The following TET1 variants were observed in gnomAD, a reference collection of about 807,000 sequenced individuals.
The protein encoded by TET1 is tet methylcytosine dioxygenase 1.
Under a neutral mutation model 148.7 loss-of-function variants are expected in TET1, and 13 were observed. That is an observed-to-expected ratio of 0.09 (90% CI 0.06 to 0.14). The LOEUF (loss-of-function observed/expected upper bound fraction) is 0.14. TET1 is among the 10% of genes least tolerant of loss of function. The pLI is 1.00. For synonymous variants in TET1, 907 were observed against 937.2 expected (o/e 0.97, Z 0.59); for missense variants, 2,182 against 2,553.8 (o/e 0.85, Z 3.14).
intron 2 of TET1, among the ~76,000 whole-genome samples, chr10:68,595,935 T>TAC (rs1334057303): frequency 0.028 from 737 of 26,616 alleles, 38 homozygotes; most frequent in African/African-American, 0.066. Flanking sequence ...TATATATATA[T>TAC]ATATATATAT....
chr10:68,622,761 T>C (rs1399718311), intron 3 of TET1, among the ~76,000 whole-genome samples: 1 of 151,538 alleles, frequency 6.6e-6, no homozygotes, highest in Non-Finnish European at 1.5e-5. Context: ...AAAATTTTTG[T>C]AGAGACAGTG....
chr10:68,572,375 G>C lies in TET1; in HGVS notation c.37G>C (p.Val13Leu), dbSNP rs745543859. The change falls in exon 2 of 12, where the codon GTC (valine) becomes CTC (leucine). Residue 13 changes from valine to leucine, a missense_variant. Physicochemically the swap from Val to Leu is conservative, Grantham distance 32. Around this residue, in one of 11 missense-constraint regions of TET1, gnomAD observed 665 missense variants for 672.4 expected, o/e 0.99. Coordinates refer to ENST00000373644, the MANE Select transcript of TET1 (RefSeq NM_030625.3). ...CCGCCATGCAAGGCCTTCCAGATTA[G>C]TCAGGAAGGAAGATGTAAACAAAAA... ...RSRHARPSRL[V>L]RKEDVNKKKK... 1 of 1,608,738 alleles carries C rather than the reference G, an allele frequency of 6.2e-7. No homozygotes were observed. The highest frequency in any genetic ancestry group is 1.1e-5 in the South Asian group (1 of 89,818).
chr10:68,644,255 ATAGTAG>A (rs1366282163), intron 3 of TET1, among the ~76,000 whole-genome samples: 1 of 152,088 alleles, frequency 6.6e-6, no homozygotes, highest in Non-Finnish European at 1.5e-5. Context: ...AGGCTGGAGT[ATAGTAG>A]CACAGTCCTG....
At chr10:68,574,738 G>A (rs1268991100) in intron 2 of TET1, among the ~76,000 whole-genome samples, 2 of 152,108 alleles carry the variant, frequency 1.3e-5, no homozygotes, top group Non-Finnish European at 2.9e-5. Flanking sequence ...TTGAAACTTT[G>A]TTTTGGAGAC....
At chr10:68,661,046 T>C (rs1469037168) in intron 6 of TET1, among the ~76,000 whole-genome samples, 3 of 151,780 alleles carry the variant, frequency 2.0e-5, no homozygotes, top group African/African-American at 7.3e-5. Flanking sequence ...TTTGTTTTTT[T>C]TGAGACAGAG....
At chr10:68,569,098 C>A (rs1373644159) in intron 1 of TET1, among the ~76,000 whole-genome samples, 1 of 150,780 alleles carries the variant, frequency 6.6e-6, no homozygotes, top group Non-Finnish European at 1.5e-5. Context: ...ATGTGAAAAG[C>A]TCAAAATCTG....
Position 68,574,240 on chromosome 10 carries a change from T to C in TET1, c.1902T>C (p.Val634=). The part of the protein sequence containing the change: ...CEELKKKPSV[V]VPLEVIKENK... ...AGCTGAAAAAGAAACCATCTGTTGT[T>C]GTGCCTCTGGAGGTAAGCAAACAGT... is the stretch of plus-strand genomic sequence containing the variant. Residue 634 remains valine (V), a synonymous_variant, in exon 2 of 12, where the codon GTT becomes GTC. Transcript: ENST00000373644. 6.2e-7 allele frequency: 1 copy of C among 1,611,790 alleles called. No homozygotes were observed. The highest frequency in any genetic ancestry group is 8.5e-7 in the Non-Finnish European group (1 of 1,179,606).
chr10:68,598,734 C>T (rs867787569), intron 2 of TET1, among the ~76,000 whole-genome samples: 16 of 142,114 alleles, frequency 1.1e-4, no homozygotes, highest in Middle Eastern at 4.2e-3. Context: ...GAGTCTGGCT[C>T]AGCCATCTAG....
At chr10:68,599,396 T>C (rs1289602060) in intron 2 of TET1, among the ~76,000 whole-genome samples, 1 of 152,248 alleles carries the variant, frequency 6.6e-6, no homozygotes, top group Non-Finnish European at 1.5e-5. Context: ...ATTTTGGCAG[T>C]GACCTTGAGA....
intron 4 of TET1, among the ~76,000 whole-genome samples, chr10:68,651,027 T>C (rs1003482657): frequency 2.6e-5 from 4 of 152,218 alleles, no homozygotes; most frequent in Non-Finnish European, 4.4e-5. Flanking sequence ...TATTATTGTT[T>C]CAATAGATTT....
rs2054838737 is a variant in TET1, at chr10:68,645,990, A to G, written c.3261A>G (p.Ile1087Met). 6.2e-7 allele frequency: 1 copy of G among 1,613,894 alleles called. No homozygotes were observed. ...VATQLTQLAS[I>M]IKINYIKPED... ...CACAGTTGACACAACTTGCTTCGAT[A>G]ATTAAGATCAATTATATAAAACCAG... is the stretch of plus-strand genomic sequence containing the variant. Residue 1087 changes from isoleucine (I) to methionine (M), a missense_variant, in exon 4 of 12, where the codon ATA becomes ATG. Ile to Met is a conservative substitution (Grantham distance 10). Coordinates refer to ENST00000373644, the MANE Select transcript of TET1 (RefSeq NM_030625.3).
intron 10 of TET1, among the ~76,000 whole-genome samples, chr10:68,684,820 C>T (rs980208569): frequency 1.3e-5 from 2 of 152,072 alleles, no homozygotes; most frequent in Non-Finnish European, 2.9e-5. Flanking sequence ...TAATTATGCT[C>T]CTCATGTCAA....
intron 9 of TET1, 107 bp from the exon 10 acceptor site, chr10:68,682,727 CAA>C (rs1352154938): frequency 1.6e-6 from 2 of 1,271,310 alleles, no homozygotes; most frequent in African/African-American, 3.0e-5. Context: ...TCAGAAATTA[CAA>C]AGTGTAATTA....
intron 4 of TET1, among the ~76,000 whole-genome samples, chr10:68,650,501 C>T (rs1327691407): frequency 6.6e-6 from 1 of 151,848 alleles, no homozygotes; most frequent in Non-Finnish European, 1.5e-5. Flanking sequence ...CATGGTGGTG[C>T]ATGCCTGTAA....
intron 3 of TET1, among the ~76,000 whole-genome samples, chr10:68,641,369 C>T (rs1264937418): frequency 6.6e-6 from 1 of 151,796 alleles, no homozygotes; most frequent in Non-Finnish European, 1.5e-5. Context: ...GTGATTCCAC[C>T]ACTGATCAGT....
intron 2 of TET1, among the ~76,000 whole-genome samples, chr10:68,581,282 T>C (rs2053794274): frequency 6.6e-6 from 1 of 152,228 alleles, no homozygotes; most frequent in African/African-American, 2.4e-5. Flanking sequence ...GAATTACAGA[T>C]AATTAAAACT....
Position 68,692,467 on chromosome 10 carries a change from A to T in TET1, c.*653A>T, listed in dbSNP as rs947834246. ...CTATTTTTAAAAGTAACTTGAAATA[A>T]TATAGTATAAGAATCCTATTGTCTA... On this transcript the variant is annotated 3_prime_UTR_variant, in exon 12 of 12. Transcript: ENST00000373644. 8.6e-6 allele frequency: 2 copies of T among 232,252 alleles called. No homozygotes were observed. Among genetic ancestry groups the T allele is most frequent in the East Asian group, 1.2e-4 (2 of 16,230 alleles). 14.4% of individuals were successfully genotyped at this position (232,252 alleles called of 1,614,324 possible).
chr10:68,616,537 G>A (rs1199167733), intron 3 of TET1, among the ~76,000 whole-genome samples: 1 of 151,912 alleles, frequency 6.6e-6, no homozygotes, highest in Non-Finnish European at 1.5e-5. Flanking sequence ...GCAATCTTTT[G>A]AGAATTTTTT....
At chr10:68,644,639 T>C (rs2054811665) in intron 3 of TET1, 59 bp from the exon 4 acceptor site, 1 of 1,464,200 alleles carries the variant, frequency 6.8e-7, no homozygotes, top group Admixed American at 2.5e-5. Flanking sequence ...ATTTTAATCT[T>C]CTATGGCTGT....
Sources: allele counts gnomAD v4.1 joint callset (sites outside exome capture counted in the v4.1 genomes callset), GRCh38; gene constraint gnomAD v4.1.1; regional missense constraint gnomAD v4.1.1; transcripts MANE v1.5; gene names NCBI Gene and HGNC (gene_info 2026-07-23, HGNC 2026-07-21).